Variants in PDE1A observed in about 807,000 individuals in gnomAD.
PDE1A encodes phosphodiesterase 1A, also known as dual specificity calcium/calmodulin-dependent 3',5'-cyclic nucleotide phosphodiesterase 1A.
Under a neutral mutation model 61.7 loss-of-function variants are expected in PDE1A, and 35 were observed. The ratio of observed to expected loss-of-function variants is 0.57; its 90% confidence interval spans 0.43 to 0.75. The LOEUF is 0.75. Among genes scored for constraint, PDE1A ranks in the 30% least tolerant of loss-of-function variants. PDE1A has a pLI of 0.00. For missense variants in PDE1A, 597 were observed against 630.6 expected (o/e 0.95, Z 0.57); for synonymous variants, 232 against 213.2 (o/e 1.09, Z -0.77).
At chr2:182,295,587 T>C (rs993185803) in intron 1 of PDE1A, among the ~76,000 whole-genome samples, 1 of 152,226 alleles carries the variant, frequency 6.6e-6, no homozygotes, top group Non-Finnish European at 1.5e-5. Flanking sequence ...ATTAATAGTC[T>C]TCAGGGATAT....
At chr2:182,651,399 G>T in the PDE1A span, among the ~76,000 whole-genome samples, 3 of 152,148 alleles carry the variant, frequency 2.0e-5, no homozygotes, top group Non-Finnish European at 4.4e-5. Context: ...TTTGACTATT[G>T]CTGCTACAAA....
At chr2:182,420,701 G>A (rs1318830456) in intron 1 of PDE1A, among the ~76,000 whole-genome samples, 1 of 152,096 alleles carries the variant, frequency 6.6e-6, no homozygotes, top group Non-Finnish European at 1.5e-5. Flanking sequence ...ACTAAACGTG[G>A]ATACCAACTT....
At chr2:182,212,635 G>T (rs1024838174) in intron 7 of PDE1A, among the ~76,000 whole-genome samples, 3 of 152,178 alleles carry the variant, frequency 2.0e-5, no homozygotes, top group African/African-American at 7.2e-5. Flanking sequence ...TTCCCTTTCC[G>T]AGTCAAAGAA....
chr2:182,681,961 AT>A, the PDE1A span, among the ~76,000 whole-genome samples: 2 of 152,156 alleles, frequency 1.3e-5, no homozygotes, highest in Non-Finnish European at 2.9e-5. Context: ...TTTCTCTTTG[AT>A]TATAAGAAAG....
At chr2:182,622,464 T>C in the PDE1A span, among the ~76,000 whole-genome samples, 1 of 152,206 alleles carries the variant, frequency 6.6e-6, no homozygotes, top group East Asian at 1.9e-4. Flanking sequence ...TAAGATAAAC[T>C]ATCCTGAAGT....
the PDE1A span, among the ~76,000 whole-genome samples, chr2:182,662,351 A>AC: frequency 2.2e-5 from 3 of 134,708 alleles, no homozygotes; most frequent in Non-Finnish European, 3.0e-5. Context: ...GAAAAAAAAA[A>AC]CAAAAAAAAA....
At chr2:182,399,811 T>C (rs2125440446) in intron 1 of PDE1A, among the ~76,000 whole-genome samples, 1 of 152,188 alleles carries the variant, frequency 6.6e-6, no homozygotes, top group Admixed American at 6.5e-5. Context: ...CTATAATCAA[T>C]TTAGTCAGTC....
At chr2:182,274,858 T>C (rs1693293181) in intron 1 of PDE1A, among the ~76,000 whole-genome samples, 1 of 152,118 alleles carries the variant, frequency 6.6e-6, no homozygotes, top group Non-Finnish European at 1.5e-5. Flanking sequence ...AAATAATTCT[T>C]TCTTTATGAT....
At chr2:182,411,051 G>T (rs972715022) in intron 1 of PDE1A, among the ~76,000 whole-genome samples, 1 of 152,142 alleles carries the variant, frequency 6.6e-6, no homozygotes, top group South Asian at 2.1e-4. Flanking sequence ...TTTCATAAAT[G>T]AAACACATCC....
chr2:182,410,845 A>G (rs7592850), intron 1 of PDE1A, among the ~76,000 whole-genome samples: 7,335 of 152,274 alleles, frequency 0.048, 583 homozygotes, highest in African/African-American at 0.17. Flanking sequence ...GTGCCTATCC[A>G]TGCCACACTA....
chr2:182,187,721 A>G (rs964918448), intron 11 of PDE1A, among the ~76,000 whole-genome samples: 1 of 124,242 alleles, frequency 8.0e-6, no homozygotes, highest in Non-Finnish European at 1.7e-5. Flanking sequence ...TTTAAGTTCT[A>G]TGTTCTTTTT....
chr2:182,222,735 G>GA (rs58684572), intron 7 of PDE1A, among the ~76,000 whole-genome samples: 43,173 of 150,846 alleles, frequency 0.29, 7,476 homozygotes, highest in African/African-American at 0.48. Flanking sequence ...CTATTAATTA[G>GA]AAAAAAAAAT....
intron 13 of PDE1A, among the ~76,000 whole-genome samples, chr2:182,182,125 A>C (rs1012676358): frequency 1.5e-4 from 23 of 152,318 alleles, no homozygotes; most frequent in Non-Finnish European, 2.5e-4. Flanking sequence ...TACAGAAGCA[A>C]AATTGTCGAG....
intron 2 of PDE1A, among the ~76,000 whole-genome samples, chr2:182,258,612 C>G (rs1390200588): frequency 2.0e-5 from 3 of 152,186 alleles, no homozygotes; most frequent in Non-Finnish European, 4.4e-5. Context: ...GCACATATAT[C>G]TAGCATATTC....
chr2:182,351,441 A>G (rs1432815842), intron 1 of PDE1A, among the ~76,000 whole-genome samples: 1 of 152,218 alleles, frequency 6.6e-6, no homozygotes, highest in Non-Finnish European at 1.5e-5. Context: ...CTGATTAGAC[A>G]CATTTTGCAG....
At chr2:182,508,014 G>A (rs941744416) in intron 2 of PDE1A, among the ~76,000 whole-genome samples, 1 of 151,820 alleles carries the variant, frequency 6.6e-6, no homozygotes, top group Non-Finnish European at 1.5e-5. Flanking sequence ...TTTGACTTCA[G>A]GGAAGAGCAT....
chr2:182,365,707 T>C (rs891808667), intron 1 of PDE1A, among the ~76,000 whole-genome samples: 12 of 152,024 alleles, frequency 7.9e-5, no homozygotes, highest in Admixed American at 7.9e-4. Flanking sequence ...TGATTTTGTT[T>C]CTCATCATTA....
At chr2:182,515,564 T>C (rs369229764) in intron 2 of PDE1A, among the ~76,000 whole-genome samples, 1 of 152,226 alleles carries the variant, frequency 6.6e-6, no homozygotes, top group Non-Finnish European at 1.5e-5. Context: ...CATAATGTTA[T>C]GTAGGACTGA....
the PDE1A span, among the ~76,000 whole-genome samples, chr2:182,540,544 C>A: frequency 6.6e-6 from 1 of 152,052 alleles, no homozygotes; most frequent in Non-Finnish European, 1.5e-5. Flanking sequence ...ATTGGCCACA[C>A]TGATGTAGAA....
Sources: gnomAD v4.1 joint callset for allele counts (sites outside exome capture counted in the v4.1 genomes callset) on GRCh38, gnomAD v4.1.1 for gene constraint, MANE v1.5 for transcripts, NCBI Gene and HGNC (gene_info 2026-07-23, HGNC 2026-07-21) for gene names.